The following CSAD variants were observed in gnomAD, a reference collection of about 807,000 sequenced individuals.
CSAD encodes P-selectin cytoplasmic tail-associated protein.
A neutral mutation model predicts 61.5 loss-of-function variants in CSAD; 47 were observed. That is an observed-to-expected ratio of 0.76 (90% CI 0.60 to 0.97). CSAD has a LOEUF of 0.97. CSAD is among the 50% of genes least tolerant of loss of function. The pLI is 0.00. For missense variants in CSAD, 611 were observed against 643.6 expected, an observed-to-expected ratio of 0.95 and a Z score of 0.55; for synonymous variants, 245 against 252.7, an observed-to-expected ratio of 0.97 and a Z score of 0.29.
At position 53,166,331 on chromosome 12, in the gene CSAD, G is replaced by A. The variant is rs116727320; in HGVS notation, c.702+3741C>T. 3.5e-3 allele frequency: 524 copies of A among 151,528 alleles called. 1 individual carries two copies. The highest frequency in any genetic ancestry group is 0.012 in the African/African-American group (492 of 41,144). 9.4% of individuals were successfully genotyped at this position (151,528 alleles called of 1,614,324 possible). A position where few individuals can be genotyped will look rare whatever the true frequency, so the allele number is the denominator to read the frequency against. ...GGCTACAAGAGCGAAACTCCATCTC[G>A]AGAAAAAAAAAAGAAAAGAAAAGAC... On this transcript the variant is annotated intron_variant, in intron 10 of 16. Transcript: ENST00000444623.
intron 2 of CSAD, among the ~76,000 whole-genome samples, chr12:53,176,708 G>T (rs1255919227): frequency 6.7e-6 from 1 of 149,910 alleles, no homozygotes; most frequent in East Asian, 1.9e-4. Context: ...GACAGAGCGA[G>T]ACTCCATCTC....
chr12:53,169,573 T>C (rs1466210505), intron 10 of CSAD, among the ~76,000 whole-genome samples: 2 of 151,898 alleles, frequency 1.3e-5, no homozygotes, highest in Non-Finnish European at 2.9e-5. Context: ...GGTGACTGAG[T>C]GAGACTCTGT....
At chr12:53,165,569 A>G (rs1161335606) in intron 10 of CSAD, among the ~76,000 whole-genome samples, 1 of 147,336 alleles carries the variant, frequency 6.8e-6, no homozygotes, top group East Asian at 2.2e-4. Context: ...AGGCTGAAGC[A>G]TGAGAATGGT....
intron 8 of CSAD, 66 bp downstream of exon 8, chr12:53,171,260 G>T: frequency 2.5e-6 from 4 of 1,609,590 alleles, no homozygotes; most frequent in Non-Finnish European, 2.5e-6. Context: ...GACCTGGAAG[G>T]TCTCTACTTA....
At chr12:53,174,054 C>A (rs532402899) in intron 2 of CSAD, 8 of 386,130 alleles carry the variant, frequency 2.1e-5, no homozygotes, top group South Asian at 2.0e-4. Context: ...CCTGTAATCC[C>A]AGCACTTTGG....
At chr12:53,175,967 G>A (rs1471448328) in intron 2 of CSAD, among the ~76,000 whole-genome samples, 2 of 152,214 alleles carry the variant, frequency 1.3e-5, no homozygotes. Context: ...CTAGATCACT[G>A]ACTTTCTGAC....
chr12:53,170,091 A>G lies in CSAD; in HGVS notation c.683T>C (p.Ile228Thr). 6.2e-7 allele frequency: 1 copy of G among 1,614,006 alleles called. No individual in the cohort carries two copies. The highest frequency in any genetic ancestry group is 8.5e-7 in the Non-Finnish European group (1 of 1,179,932). ...KMVPEDLERQIGMAEAEGAVP... is the reference protein window; with the variant it reads ...KMVPEDLERQTGMAEAEGAVP... ...ACTCACCTCAGCCTCGGCCATACCA[A>G]TCTGCCTCTCCAGATCCTCGGGGAC... Residue 228 changes from isoleucine (I) to threonine (T), a missense_variant, in exon 10 of 17, where the codon ATT (isoleucine) becomes ACT (threonine). Physicochemically the swap from Ile to Thr is moderately conservative, Grantham distance 89. Coordinates refer to ENST00000444623, the MANE Select transcript of CSAD (RefSeq NM_001244705.2).
At chr12:53,174,371 T>C (rs1267176774) in intron 2 of CSAD, among the ~76,000 whole-genome samples, 3 of 152,072 alleles carry the variant, frequency 2.0e-5, no homozygotes, top group South Asian at 2.1e-4. Flanking sequence ...AAAATATTCA[T>C]TTGTGGCTAT....
Position 53,158,265 on chromosome 12 carries a change from A to T in CSAD, c.*246T>A. ...GCAATTCTGCCCCAACCTCCTGAGT[A>T]GCTGGGTTTACAGGCACAGGCCACC... On this transcript the variant is annotated 3_prime_UTR_variant, in exon 17 of 17. Coordinates refer to ENST00000444623, the MANE Select transcript of CSAD (RefSeq NM_001244705.2). 3.4e-6 allele frequency: 1 copy of T among 298,488 alleles called. No individual in the cohort carries two copies. The highest frequency in any genetic ancestry group is 4.7e-5 in the South Asian group (1 of 21,266). The allele number at this position is 298,488 out of a possible 1,614,324, so 18.5% of individuals were successfully genotyped here. A position where few individuals can be genotyped will look rare whatever the true frequency, so the allele number is the denominator to read the frequency against.
intron 10 of CSAD, among the ~76,000 whole-genome samples, chr12:53,168,259 T>C (rs1283082204): frequency 6.6e-6 from 1 of 152,142 alleles, no homozygotes; most frequent in East Asian, 1.9e-4. Context: ...GGGGTTTCTT[T>C]AGGGGGTGAT....
intron 2 of CSAD, among the ~76,000 whole-genome samples, chr12:53,175,157 A>G (rs929504303): frequency 3.9e-5 from 6 of 152,210 alleles, no homozygotes; most frequent in African/African-American, 1.4e-4. Context: ...TTGCCACAAG[A>G]GGGAGTTGAG....
chr12:53,173,899 CAA>C, intron 2 of CSAD, 129 bp from the exon 3 acceptor site: 1 of 859,780 alleles, frequency 1.2e-6, no homozygotes. Context: ...TTTCATCACC[CAA>C]AAAAAAACCT....
At chr12:53,178,922 C>T (rs1430529336) in intron 2 of CSAD, among the ~76,000 whole-genome samples, 180 bp downstream of exon 2, 3 of 152,342 alleles carry the variant, frequency 2.0e-5, no homozygotes, top group African/African-American at 4.8e-5. Flanking sequence ...GCACGACTCT[C>T]GCCTCACCAC....
intron 16 of CSAD, 54 bp from the exon 17 acceptor site, chr12:53,158,738 G>A: frequency 1.9e-6 from 3 of 1,563,656 alleles, no homozygotes; most frequent in East Asian, 2.3e-5. Context: ...CTGACAGGTA[G>A]GCTGGCTTCT....
chr12:53,158,176 T>C lies in CSAD; in HGVS notation c.*335A>G, dbSNP rs1938769192. 1 of 180,830 alleles carries C rather than the reference T, an allele frequency of 5.5e-6. No individual in the cohort carries two copies. The highest frequency in any genetic ancestry group is 1.2e-5 in the Non-Finnish European group (1 of 85,878). The allele number at this position is 180,830 out of a possible 1,614,324, so 11.2% of individuals were successfully genotyped here. On this transcript the variant is annotated 3_prime_UTR_variant, in exon 17 of 17. Coordinates refer to ENST00000444623, the MANE Select transcript of CSAD (RefSeq NM_001244705.2). ...TTTTTTGGAACAGAGTCTCGTACTG[T>C]TGCCCAGCCTGGAGTGCAGGGGTGC...
chr12:53,171,246 A>G (rs1463599596), intron 8 of CSAD, 80 bp downstream of exon 8: 1 of 1,600,100 alleles, frequency 6.2e-7, no homozygotes, highest in Non-Finnish European at 8.5e-7. Context: ...GAGGGCAGGG[A>G]GAAGACCTGG....
rs1232296910 is a variant in CSAD, at chr12:53,166,809, A to C, written c.702+3263T>G. On this transcript the variant is annotated intron_variant, in intron 10 of 16. Coordinates refer to ENST00000444623, the MANE Select transcript of CSAD (RefSeq NM_001244705.2). The stretch of plus-strand genomic sequence containing the variant: ...ATACTCTGTCTCAGAAAAACAAAAC[A>C]AAACAAAACAAAAAAACAAGATGAA... Among the ~76,000 whole-genome samples, 8 of 151,144 alleles carry C rather than the reference A, an allele frequency of 5.3e-5. No individual in the cohort carries two copies. In the Admixed American group the frequency reaches 5.4e-4, roughly 10 times the overall value.
chr12:53,177,963 A>G (rs921418146), intron 2 of CSAD: 6 of 165,850 alleles, frequency 3.6e-5, no homozygotes, highest in Admixed American at 6.3e-5. Flanking sequence ...TTAAAAAAAA[A>G]AAAGGCAATA....
rs200951993 is a variant in CSAD, at chr12:53,172,376, C to T, written c.314G>A (p.Arg105His). 13 of 1,614,030 alleles carry T rather than the reference C, an allele frequency of 8.1e-6. No homozygotes were observed. The highest frequency in any genetic ancestry group is 4.0e-5 in the African/African-American group (3 of 74,984). ...SGLDPHALAG[R>H]IITESLNTSQ... Reference sequence around the variant, plus strand: ...GGTGTTGAGGCTCTCAGTGATAATGCGCCCGGCCAGAGCATGGGGATCCAA... The same window carrying T: ...GGTGTTGAGGCTCTCAGTGATAATGTGCCCGGCCAGAGCATGGGGATCCAA... Residue 105 changes from arginine to histidine, a missense_variant, in exon 6 of 17, where the codon CGC becomes CAC. By Grantham distance (29) the Arg-to-His change is conservative. Transcript: ENST00000444623.
Sources: allele counts gnomAD v4.1 joint callset (sites outside exome capture counted in the v4.1 genomes callset), GRCh38; gene constraint gnomAD v4.1.1; transcripts MANE v1.5; gene names NCBI Gene and HGNC (gene_info 2026-07-23, HGNC 2026-07-21).